Variants in UNC13B observed in about 807,000 individuals in gnomAD.
UNC13B encodes the protein unc-13 homolog B, also known as protein unc-13 homolog B.
UNC13B carries 144 observed loss-of-function variants against 211.0 expected under a neutral mutation model. That is an observed-to-expected ratio of 0.68 (90% CI 0.60 to 0.78). UNC13B has a LOEUF of 0.78. UNC13B is among the 30% of genes least tolerant of loss of function. The pLI, the probability that UNC13B is intolerant of heterozygous loss-of-function variation, is 0.00. For missense variants in UNC13B, 1,777 were observed against 2,002.0 expected (o/e 0.89, Z 2.14); for synonymous variants, 709 against 725.8 (o/e 0.98, Z 0.37).
In UNC13B at chr9:35,385,797, C is replaced by T. The variant is rs1339849163; in HGVS notation, c.10949C>T (p.Thr3650Ile). ...ACAGTGGATTTGCTGACCAGCATTA[C>T]TTTCTTCAGAATGAAGGTAAGAAAT... ...KSTVDLLTSI[T>I]FFRMKVQELQ... The change falls in exon 23 of 40, where the codon ACT becomes ATT. Residue 3650 changes from threonine to isoleucine, a missense_variant. Transcript: ENST00000635942. The T allele has an allele frequency of 6.2e-7, 1 of 1,608,542 alleles. No individual in the cohort carries two copies. The highest frequency in any genetic ancestry group is 8.5e-7 in the Non-Finnish European group (1 of 1,175,310).
At chr9:35,296,367 T>C (rs1426865300) in intron 8 of UNC13B, among the ~76,000 whole-genome samples, 1 of 152,260 alleles carries the variant, frequency 6.6e-6, no homozygotes, top group Non-Finnish European at 1.5e-5. Context: ...GTATTTTTAC[T>C]GGAACTTTGT....
At chr9:35,341,390 C>T in intron 11 of UNC13B, among the ~76,000 whole-genome samples, 1 of 152,206 alleles carries the variant, frequency 6.6e-6, no homozygotes, top group East Asian at 1.9e-4. Context: ...CTGTACCTAT[C>T]CTTCAGCTTT....
chr9:35,290,404 G>T (rs569895069), intron 7 of UNC13B, among the ~76,000 whole-genome samples: 1 of 151,122 alleles, frequency 6.6e-6, no homozygotes, highest in African/African-American at 2.4e-5. Context: ...TTGTCTCTGC[G>T]TTCACCAAAC....
At chr9:35,336,785 G>C (rs1831686811) in intron 11 of UNC13B, among the ~76,000 whole-genome samples, 1 of 152,170 alleles carries the variant, frequency 6.6e-6, no homozygotes, top group African/African-American at 2.4e-5. Flanking sequence ...TTTAACATAT[G>C]AATTTTGGAG....
At position 35,399,181 on chromosome 9, in the gene UNC13B, T is replaced by C. The variant is rs1470913266; in HGVS notation, c.12095T>C (p.Val4032Ala). The C allele has an allele frequency of 2.4e-5, 39 of 1,614,134 alleles. No homozygotes were observed. The highest frequency in any genetic ancestry group is 3.3e-5 in the Non-Finnish European group (39 of 1,180,018). Residue 4032 changes from valine to alanine, a missense_variant, in exon 34 of 40, where the codon GTG (valine) becomes GCG (alanine). Val to Ala is a moderately conservative substitution (Grantham distance 64). Coordinates refer to ENST00000635942, the MANE Select transcript of UNC13B (RefSeq NM_001371189.2). ...LDGNLTLFAT[V>A]CEKTVLKRVL... ...TGCAGCCTCACCCTCTTTGCCACTG[T>C]GTGTGAGAAGACGGTTCTGAAGCGT...
rs1820820635 is a variant in UNC13B at position 35,162,312 on chromosome 9, G to T, written c.22+7G>T. On this transcript the variant is annotated splice_region_variant and intron_variant, in intron 1 of 39. Transcript: ENST00000635942. ...TCACTGCTCTGCGTGCGCGGTGAGT[G>T]CGCGGACTGAGGCGGGGAGGCGGGG... The T allele has an allele frequency of 2.6e-6, 4 of 1,542,682 alleles. No homozygotes were observed. Among genetic ancestry groups the T allele is most frequent in the Non-Finnish European group, 3.5e-6 (4 of 1,148,820 alleles).
intron 11 of UNC13B, chr9:35,352,731 C>G (rs984561712): frequency 1.6e-6 from 2 of 1,232,192 alleles, no homozygotes; most frequent in East Asian, 6.3e-5. Flanking sequence ...TCAAGAACAT[C>G]TCAAGTTATC....
At chr9:35,237,878 T>A in intron 5 of UNC13B, 52 bp downstream of exon 5, 1 of 1,542,448 alleles carries the variant, frequency 6.5e-7, no homozygotes, top group East Asian at 2.4e-5. Flanking sequence ...TGTTTGGAAT[T>A]GTTTGCTAGT....
At position 35,312,187 on chromosome 9, in the gene UNC13B, T is replaced by G. The variant is rs531137271; in HGVS notation, c.9323+1406T>G. Among the ~76,000 whole-genome samples, 13 of 152,324 alleles carry G rather than the reference T, an allele frequency of 8.5e-5. 1 individual carries two copies. The South Asian group carries it at 1.9e-3, about 22-fold the overall frequency. On this transcript the variant is annotated intron_variant, in intron 10 of 39. Transcript: ENST00000635942. ...ACTTAGAGTTTCAAATTTCAAGATC[T>G]AATAATAAAGCCTCTCACTGAAACA... is the stretch of plus-strand genomic sequence containing the variant.
intron 11 of UNC13B, chr9:35,352,871 A>G: frequency 8.1e-7 from 1 of 1,232,212 alleles, no homozygotes; most frequent in South Asian, 4.1e-5. Flanking sequence ...CAAACAGTAC[A>G]GCCAAAAACA....
chr9:35,243,182 CACTACCACCTTCT>C, intron 5 of UNC13B, 96 bp from the exon 6 acceptor site: 2 of 1,064,514 alleles, frequency 1.9e-6, no homozygotes, highest in Admixed American at 1.9e-5. Flanking sequence ...ACTTGTGCAT[CACTACCACCTTCT>C]GACTTCAGTC....
intron 5 of UNC13B, among the ~76,000 whole-genome samples, chr9:35,243,036 C>G (rs896117363): frequency 6.6e-6 from 1 of 152,084 alleles, no homozygotes; most frequent in Admixed American, 6.6e-5. Flanking sequence ...AAACTGTGAC[C>G]CTGACCAGAT....
At chr9:35,398,451 G>A (rs774279152) in intron 31 of UNC13B, 103 bp from the exon 32 acceptor site, 4 of 1,380,140 alleles carry the variant, frequency 2.9e-6, no homozygotes, top group Middle Eastern at 2.0e-4. Flanking sequence ...TGCGAGGGAG[G>A]AATAGGCACT....
Position 35,404,292 on chromosome 9 carries a change from G to T in UNC13B, c.*259G>T, listed in dbSNP as rs542118719. 2.7e-5 allele frequency: 14 copies of T among 518,756 alleles called. No individual in the cohort carries two copies. The East Asian group carries it at 4.0e-4, about 15-fold the overall frequency. 32.1% of individuals were successfully genotyped at this position (518,756 alleles called of 1,614,324 possible). Reference sequence around the variant, plus strand: ...GGAGAGATTTTCCATTAAGAGAGAAGGACAAACATTTCTGAGAGTGTCAGC... The same window carrying T: ...GGAGAGATTTTCCATTAAGAGAGAATGACAAACATTTCTGAGAGTGTCAGC... On this transcript the variant is annotated 3_prime_UTR_variant, in exon 40 of 40. Coordinates refer to ENST00000635942, the MANE Select transcript of UNC13B (RefSeq NM_001371189.2).
chr9:35,385,261 G>C (rs1835115221), intron 22 of UNC13B: 2 of 985,468 alleles, frequency 2.0e-6, no homozygotes, highest in Non-Finnish European at 2.4e-6. Context: ...CAGAACAGTA[G>C]AAGAGCTGGG....
At chr9:35,362,299 C>T (rs141953864) in intron 11 of UNC13B, among the ~76,000 whole-genome samples, 199 of 152,144 alleles carry the variant, frequency 1.3e-3, no homozygotes, top group Non-Finnish European at 2.3e-3. Context: ...CAGGAGGAGA[C>T]GTTTAGAGAT....
chr9:35,366,913 C>G, intron 11 of UNC13B, 34 bp from the exon 12 acceptor site: 1 of 1,594,944 alleles, frequency 6.3e-7, no homozygotes, highest in Non-Finnish European at 8.6e-7. Context: ...CCATCTTTCC[C>G]AGGATCTAAC....
chr9:35,386,128 AG>A (rs1564188436), intron 23 of UNC13B, 36 bp from the exon 24 acceptor site: 1 of 1,613,358 alleles, frequency 6.2e-7, no homozygotes, highest in Admixed American at 1.7e-5. Flanking sequence ...CCAGGTGAGC[AG>A]GTCCTTGGGC....
At chr9:35,238,174 T>G (rs916417178) in intron 5 of UNC13B, among the ~76,000 whole-genome samples, 11 of 152,234 alleles carry the variant, frequency 7.2e-5, no homozygotes, top group Admixed American at 6.5e-4. Flanking sequence ...ATTTGTTAAT[T>G]TAAGTATTAA....
Sources: gnomAD v4.1 joint callset for allele counts (sites outside exome capture counted in the v4.1 genomes callset) on GRCh38, gnomAD v4.1.1 for gene constraint, MANE v1.5 for transcripts, NCBI Gene and HGNC (gene_info 2026-07-23, HGNC 2026-07-21) for gene names.